Variants in ULK4 observed in about 807,000 individuals in gnomAD.
The protein encoded by ULK4 is inactive serine/threonine-protein kinase ULK4.
ULK4 carries 133 observed loss-of-function variants against 160.6 expected under a neutral mutation model. The observed-to-expected ratio is 0.83, with a 90% CI of 0.72 to 0.96. ULK4 has a LOEUF of 0.96. ULK4 is among the 40% of genes least tolerant of loss of function. The probability of loss-of-function intolerance (pLI) is 0.00; values close to 1 mark genes in which losing one functional copy is unlikely to be tolerated. For missense variants in ULK4, 1,580 were observed against 1,499.5 expected (o/e 1.05, Z -0.89); for synonymous variants, 534 against 539.8 (o/e 0.99, Z 0.15).
At chr3:41,807,713 T>C (rs566694394) in intron 19 of ULK4, among the ~76,000 whole-genome samples, 1 of 152,324 alleles carries the variant, frequency 6.6e-6, no homozygotes, top group Non-Finnish European at 1.5e-5. Flanking sequence ...ACAAGACTGC[T>C]AGGAAAGAAA....
chr3:41,334,332 C>T (rs536203461), intron 35 of ULK4, among the ~76,000 whole-genome samples: 1 of 152,254 alleles, frequency 6.6e-6, no homozygotes, highest in South Asian at 2.1e-4. Flanking sequence ...CTATTAGTCA[C>T]TCGTATTGGT....
chr3:41,838,160 A>C (rs1320054356), intron 17 of ULK4, among the ~76,000 whole-genome samples: 2 of 152,228 alleles, frequency 1.3e-5, no homozygotes, highest in Non-Finnish European at 2.9e-5. Context: ...AAGAGAAAGA[A>C]AATGACGAAA....
chr3:41,948,668 G>A lies in ULK4; in HGVS notation c.138+5954C>T, dbSNP rs74938739. Among the ~76,000 whole-genome samples the A allele has an allele frequency of 4.4e-3, 642 of 147,172 alleles. 5 individuals carry two copies. The highest frequency in any genetic ancestry group is 0.015 in the African/African-American group (594 of 39,912). On this transcript the variant is annotated intron_variant, in intron 2 of 36. Coordinates refer to ENST00000301831, the MANE Select transcript of ULK4 (RefSeq NM_017886.4). ...ACCACATTATGAAGGGGAAAAAAAC[G>A]CATGATCATCTCAATTAATACAGAA... is the stretch of plus-strand genomic sequence containing the variant.
intron 31 of ULK4, among the ~76,000 whole-genome samples, chr3:41,583,905 A>C (rs895875923): frequency 1.3e-5 from 2 of 152,246 alleles, no homozygotes; most frequent in Non-Finnish European, 2.9e-5. Flanking sequence ...AAATGGCTAC[A>C]GCTCTGGTCT....
chr3:41,276,606 A>T (rs1294150174), intron 35 of ULK4, among the ~76,000 whole-genome samples: 2 of 152,274 alleles, frequency 1.3e-5, no homozygotes, highest in Non-Finnish European at 2.9e-5. Context: ...GTAACTACAT[A>T]AAAATTGCAT....
At position 41,737,186 on chromosome 3, in the gene ULK4, G is replaced by A. The variant is rs1235643413; in HGVS notation, c.2321+17175C>T. Among the ~76,000 whole-genome samples the A allele has an allele frequency of 4.6e-5, 7 of 151,906 alleles. No homozygotes were observed. In the South Asian group the frequency reaches 6.2e-4, roughly 13 times the overall value. ...CAAAGTCTCAGGATACAAAATCAAT[G>A]TGCAAAAATCACAAGCATTCTTATA... On this transcript the variant is annotated intron_variant, in intron 22 of 36. Transcript: ENST00000301831.
intron 20 of ULK4, among the ~76,000 whole-genome samples, chr3:41,793,124 G>C (rs1037145715): frequency 1.5e-4 from 22 of 151,072 alleles, no homozygotes; most frequent in Non-Finnish European, 8.8e-5. Context: ...AATGAGCCAA[G>C]ATCATGCCAC....
chr3:41,810,109 C>T (rs2040774543), intron 19 of ULK4, among the ~76,000 whole-genome samples: 1 of 152,170 alleles, frequency 6.6e-6, no homozygotes, highest in Admixed American at 6.5e-5. Context: ...ATTTATATAT[C>T]ATATGCTGGC....
chr3:41,666,255 C>A (rs1452808661), intron 29 of ULK4, among the ~76,000 whole-genome samples: 1 of 152,150 alleles, frequency 6.6e-6, no homozygotes, highest in African/African-American at 2.4e-5. Context: ...AGCCCAAGGC[C>A]CCCATCATAA....
intron 32 of ULK4, among the ~76,000 whole-genome samples, chr3:41,546,405 G>T (rs1004826414): frequency 6.6e-6 from 1 of 152,028 alleles, no homozygotes; most frequent in African/African-American, 2.4e-5. Flanking sequence ...TTAATTTCAG[G>T]CTAGTTTAGC....
intron 8 of ULK4, chr3:41,915,320 A>C (rs920085366): frequency 2.6e-5 from 4 of 152,212 alleles, no homozygotes; most frequent in African/African-American, 9.7e-5. Flanking sequence ...TGTATATGCT[A>C]CACTAAATTT....
intron 27 of ULK4, among the ~76,000 whole-genome samples, chr3:41,690,921 G>A (rs1187938031): frequency 6.6e-6 from 1 of 151,702 alleles, no homozygotes; most frequent in African/African-American, 2.4e-5. Flanking sequence ...GGCAGGAGAG[G>A]GCACCCCACC....
At chr3:41,403,683 A>C (rs1031201548) in intron 34 of ULK4, among the ~76,000 whole-genome samples, 34 of 152,060 alleles carry the variant, frequency 2.2e-4, no homozygotes, top group Admixed American at 3.9e-4. Flanking sequence ...AACTTAGATT[A>C]TTGATTTAAA....
intron 2 of ULK4, among the ~76,000 whole-genome samples, chr3:41,938,920 G>T (rs962010242): frequency 1.3e-5 from 2 of 151,988 alleles, no homozygotes; most frequent in East Asian, 3.9e-4. Flanking sequence ...AATTTTAAAG[G>T]GTAAAAATTT....
chr3:41,827,254 A>G (rs1287021099), intron 18 of ULK4, among the ~76,000 whole-genome samples: 5 of 150,228 alleles, frequency 3.3e-5, no homozygotes, highest in African/African-American at 1.2e-4. Flanking sequence ...AAAGAACTAG[A>G]GAAGCAAGAG....
intron 22 of ULK4, among the ~76,000 whole-genome samples, chr3:41,734,361 T>C (rs1052696993): frequency 1.3e-5 from 2 of 152,202 alleles, no homozygotes; most frequent in African/African-American, 4.8e-5. Flanking sequence ...CAAGTGCTAC[T>C]GAATGTTTCT....
chr3:41,404,854 C>T (rs1213730457), intron 34 of ULK4, among the ~76,000 whole-genome samples: 3 of 152,172 alleles, frequency 2.0e-5, no homozygotes, highest in African/African-American at 7.2e-5. Flanking sequence ...TTCAGACTTC[C>T]AAACCTGCAG....
At chr3:41,487,692 C>A (rs533258249) in intron 32 of ULK4, among the ~76,000 whole-genome samples, 2 of 152,162 alleles carry the variant, frequency 1.3e-5, no homozygotes, top group South Asian at 2.1e-4. Flanking sequence ...CAAATCCCAG[C>A]CAGAATAAGG....
At position 41,597,581 on chromosome 3, in the gene ULK4, T is replaced by C. The variant is rs932745819; in HGVS notation, c.3120+18088A>G. 3.3e-5 allele frequency among the ~76,000 whole-genome samples: 5 copies of C among 152,146 alleles called. 1 individual carries two copies. The highest frequency in any genetic ancestry group is 7.4e-5 in the Non-Finnish European group (5 of 68,024). ...TTCCACAGAGGACCACCTTGTGCTG[T>C]CCTCTGGATTCACTGCGTAGGCCAC... On this transcript the variant is annotated intron_variant, in intron 31 of 36. Transcript: ENST00000301831.
Sources: allele counts gnomAD v4.1 joint callset (sites outside exome capture counted in the v4.1 genomes callset), GRCh38; gene constraint gnomAD v4.1.1; transcripts MANE v1.5; gene names NCBI Gene and HGNC (gene_info 2026-07-23, HGNC 2026-07-21).